The following ASPRV1 variants were observed in gnomAD, a reference collection of about 807,000 sequenced individuals.
The protein encoded by ASPRV1 is retroviral-like aspartic protease 1.
Under a neutral mutation model 11.0 loss-of-function variants are expected in ASPRV1, and 7 were observed. The ratio of observed to expected loss-of-function variants is 0.64; its 90% CI spans 0.36 to 1.20. The LOEUF (loss-of-function observed/expected upper bound fraction) is 1.20. Among genes scored for constraint, ASPRV1 ranks in the 50% most tolerant of loss-of-function variants. ASPRV1 has a pLI of 0.02. For missense variants in ASPRV1, 299 were observed against 320.0 expected, an observed-to-expected ratio of 0.93 and a Z score of 0.50; for synonymous variants, 136 against 138.4, an observed-to-expected ratio of 0.98 and a Z score of 0.12.
chr2:70,029,693 A>C, the ASPRV1 span, among the ~76,000 whole-genome samples: 2 of 152,142 alleles, frequency 1.3e-5, no homozygotes, highest in African/African-American at 4.8e-5. Flanking sequence ...CATCAGATTC[A>C]ACTCCCTCCC....
the ASPRV1 span, among the ~76,000 whole-genome samples, chr2:69,947,935 G>C: frequency 1.3e-5 from 2 of 152,184 alleles, no homozygotes; most frequent in East Asian, 3.8e-4. Context: ...GCCAGAAACA[G>C]GAAGGAATGC....
Position 69,961,596 on chromosome 2 carries a change from C to A in ASPRV1, c.-160G>T, listed in dbSNP as rs202051919. 14 of 1,612,482 alleles carry A rather than the reference C, an allele frequency of 8.7e-6. No individual in the cohort carries two copies. The Admixed American group carries it at 1.8e-4, about 21-fold the overall frequency. On this transcript the variant is annotated 5_prime_UTR_variant, in exon 1 of 1. Coordinates refer to ENST00000320256, the MANE Select transcript of ASPRV1 (RefSeq NM_152792.4). The stretch of plus-strand genomic sequence containing the variant: ...AGCAGGAGGGAGCAGGCGCGGTCGG[C>A]TGGCTGACTGCTGGGGCAGAGGCAG...
At chr2:70,050,136 C>A in the ASPRV1 span, 16 of 152,034 alleles carry the variant, frequency 1.1e-4, no homozygotes, top group African/African-American at 3.9e-4. Flanking sequence ...AAAAATCAGC[C>A]GGGCATGGTG....
chr2:69,938,210 G>A, the ASPRV1 span: 4 of 1,614,242 alleles, frequency 2.5e-6, no homozygotes, highest in Non-Finnish European at 3.4e-6. Context: ...CCTCGGCAGT[G>A]ATGAGGGCTA....
At chr2:69,968,953 CA>C in the ASPRV1 span, among the ~76,000 whole-genome samples, 1 of 152,376 alleles carries the variant, frequency 6.6e-6, no homozygotes, top group Admixed American at 6.5e-5. Context: ...TCCAAATTCT[CA>C]CTCTCCGTGG....
upstream of ASPRV1, among the ~76,000 whole-genome samples, chr2:69,966,048 G>A (rs568371499): frequency 2.2e-4 from 34 of 152,334 alleles, no homozygotes; most frequent in East Asian, 6.4e-3. Context: ...TCAGGAGGCA[G>A]CAAAATGCTT....
the ASPRV1 span, among the ~76,000 whole-genome samples, chr2:70,072,389 G>GC: frequency 2.0e-5 from 3 of 151,744 alleles, no homozygotes; most frequent in South Asian, 6.3e-4. Flanking sequence ...CTGCACTCTA[G>GC]CCTGGGTGAC....
At chr2:70,034,520 G>A in the ASPRV1 span, among the ~76,000 whole-genome samples, 1 of 151,900 alleles carries the variant, frequency 6.6e-6, no homozygotes, top group African/African-American at 2.4e-5. Flanking sequence ...GCACTAAGCA[G>A]GGATTGCGCC....
chr2:69,990,766 C>T, the ASPRV1 span, among the ~76,000 whole-genome samples: 1 of 152,056 alleles, frequency 6.6e-6, no homozygotes, highest in African/African-American at 2.4e-5. Flanking sequence ...CCCTTTTAAC[C>T]ACTCCTCCCA....
chr2:70,023,621 C>G, the ASPRV1 span, among the ~76,000 whole-genome samples: 37 of 151,046 alleles, frequency 2.4e-4, no homozygotes, highest in Non-Finnish European at 4.4e-4. Context: ...TTGCAGTGAG[C>G]CAAGAATGCA....
the ASPRV1 span, among the ~76,000 whole-genome samples, chr2:70,009,051 G>A: frequency 9.2e-5 from 14 of 152,084 alleles, no homozygotes; most frequent in Non-Finnish European, 2.9e-5. Flanking sequence ...CTCCATAAAT[G>A]TGAGGGCAGA....
Position 69,960,762 on chromosome 2 carries a change from C to T in ASPRV1, c.675G>A (p.Lys225=), listed in dbSNP as rs1178030167. Residue 225 remains lysine (K), a synonymous_variant, in exon 1 of 1, where the codon AAG becomes AAA. Transcript: ENST00000320256. ...EHRTCTLKGK[K]FRLLPVGGSL... is the part of the protein sequence containing the mutation. The stretch of plus-strand genomic sequence containing the variant: ...ACCCTCCCACAGGCAGAAGGCGAAA[C>T]TTCTTCCCTTTCAGGGTGCATGTGC... 5 of 1,614,064 alleles carry T rather than the reference C, an allele frequency of 3.1e-6. No homozygotes were observed. Among genetic ancestry groups the T allele is most frequent in the African/African-American group, 1.3e-5 (1 of 74,918 alleles).
chr2:69,988,638 T>C, the ASPRV1 span: 4 of 377,362 alleles, frequency 1.1e-5, no homozygotes, highest in Middle Eastern at 8.5e-4. Context: ...ATATACTTAA[T>C]GTCACTGAAT....
At chr2:70,051,999 A>C in the ASPRV1 span, among the ~76,000 whole-genome samples, 8 of 152,242 alleles carry the variant, frequency 5.3e-5, no homozygotes, top group Admixed American at 1.3e-4. Flanking sequence ...AGAAACACTC[A>C]TTCTATGATA....
At chr2:69,958,564 C>G (rs1193874925), downstream of ASPRV1, among the ~76,000 whole-genome samples, 2 of 147,148 alleles carry the variant, frequency 1.4e-5, no homozygotes, top group Non-Finnish European at 3.0e-5. Context: ...CTCCCCAGCT[C>G]CCCACCCACC....
At chr2:70,000,492 T>C in the ASPRV1 span, 1 of 150,254 alleles carries the variant, frequency 6.7e-6, no homozygotes, top group Non-Finnish European at 1.5e-5. Context: ...AATATATCAA[T>C]AGAAAACAGA....
chr2:70,025,089 ATT>A, the ASPRV1 span, among the ~76,000 whole-genome samples: 4 of 152,204 alleles, frequency 2.6e-5, no homozygotes, highest in African/African-American at 4.8e-5. Flanking sequence ...ATATATTTAA[ATT>A]TGTTATTATT....
the ASPRV1 span, among the ~76,000 whole-genome samples, chr2:70,001,903 A>G: frequency 2.0e-5 from 3 of 152,242 alleles, no homozygotes; most frequent in Non-Finnish European, 2.9e-5. Context: ...ATAAGCGATC[A>G]ATAAAAATTT....
chr2:70,047,721 G>A, the ASPRV1 span, among the ~76,000 whole-genome samples: 1 of 152,170 alleles, frequency 6.6e-6, no homozygotes, highest in Non-Finnish European at 1.5e-5. Context: ...AGGTGAGATG[G>A]TCAGGCTACA....
Sources: gnomAD v4.1 joint callset for allele counts (sites outside exome capture counted in the v4.1 genomes callset) on GRCh38, gnomAD v4.1.1 for gene constraint, MANE v1.5 for transcripts, NCBI Gene and HGNC (gene_info 2026-07-23, HGNC 2026-07-21) for gene names.